Variants in FAM234B observed in about 807,000 individuals in gnomAD.
The protein encoded by FAM234B is protein FAM234B.
In FAM234B, 33 loss-of-function variants were observed where a neutral mutation model predicts 69.3. The ratio of observed to expected loss-of-function variants is 0.48; its 90% CI spans 0.36 to 0.64. The LOEUF (loss-of-function observed/expected upper bound fraction) is 0.64, where lower values mean the gene tolerates loss of function less well. FAM234B is among the 30% of genes least tolerant of loss of function. The pLI, the probability that FAM234B is intolerant of heterozygous loss-of-function variation, is 0.00. For synonymous variants in FAM234B, 306 were observed against 306.9 expected (o/e 1.00, Z 0.03); for missense variants, 697 against 769.7 (o/e 0.91, Z 1.12).
intron 5 of FAM234B, 68 bp downstream of exon 5, chr12:13,063,043 T>A: frequency 6.6e-7 from 1 of 1,514,536 alleles, no homozygotes. Flanking sequence ...TCTCAGCTCC[T>A]AGTGTTACAT....
chr12:13,045,384 C>T (rs752809217), intron 1 of FAM234B, among the ~76,000 whole-genome samples: 13 of 152,130 alleles, frequency 8.5e-5, no homozygotes, highest in Admixed American at 3.9e-4. Flanking sequence ...AAGCTATAAA[C>T]ATTTATTTGC....
chr12:13,080,026 A>C lies in FAM234B; in HGVS notation c.1863+17A>C, dbSNP rs1424485427. On this transcript the variant is annotated intron_variant, in intron 12 of 12. Coordinates refer to ENST00000197268, the MANE Select transcript of FAM234B (RefSeq NM_020853.2). ...CCCTACGAGGTGAGTGGCTGCAGAA[A>C]TATTGTTCCTCTTGAGGGTTTAGGA... 1 of 1,549,312 alleles carries C rather than the reference A, an allele frequency of 6.5e-7. No homozygotes were observed. Among genetic ancestry groups the C allele is most frequent in the South Asian group, 1.2e-5 (1 of 82,822 alleles).
At chr12:13,061,412 CTG>C (rs947690823) in intron 3 of FAM234B, among the ~76,000 whole-genome samples, 161 bp from the exon 4 acceptor site, 11 of 152,314 alleles carry the variant, frequency 7.2e-5, no homozygotes, top group Admixed American at 3.9e-4. Context: ...GACAGGCACT[CTG>C]TGTTCACATC....
At chr12:13,068,518 A>G in intron 8 of FAM234B, 71 bp downstream of exon 8, 2 of 1,594,480 alleles carry the variant, frequency 1.3e-6, no homozygotes, top group Non-Finnish European at 1.7e-6. Flanking sequence ...TGTCCAGGAC[A>G]ATTGCTTGCA....
chr12:13,079,131 T>C (rs1865195301), intron 11 of FAM234B, among the ~76,000 whole-genome samples: 1 of 152,188 alleles, frequency 6.6e-6, no homozygotes, highest in African/African-American at 2.4e-5. Flanking sequence ...GCTACCTGAC[T>C]TCAAACTATA....
chr12:13,066,819 C>T, intron 6 of FAM234B, 32 bp downstream of exon 6: 3 of 1,599,684 alleles, frequency 1.9e-6, no homozygotes, highest in South Asian at 2.3e-5. Flanking sequence ...TGCTCCTGTT[C>T]CCCACTGGCA....
In FAM234B at chr12:13,067,196, G is replaced by C. The variant is rs775713239; in HGVS notation, c.1042G>C (p.Ala348Pro). 2 of 1,614,000 alleles carry C rather than the reference G, an allele frequency of 1.2e-6. No individual in the cohort carries two copies. Among genetic ancestry groups the C allele is most frequent in the East Asian group, 4.5e-5 (2 of 44,880 alleles). ...CGCACTGCGGGACATTTTTGTTCAG[G>C]CCCAAAATCGAGACAGCTCACCACC... ...AVALRDIFVQ[A>P]QNRDSSPPSL... is the part of the protein sequence containing the mutation. Residue 348 changes from alanine (A) to proline (P), a missense_variant, in exon 7 of 13, where the codon GCC becomes CCC. Physicochemically the swap from Ala to Pro is conservative, Grantham distance 27. Coordinates refer to ENST00000197268, the MANE Select transcript of FAM234B (RefSeq NM_020853.2). This position sits in a 1 kb window ranked among gnomAD's most constrained non-coding sequence, Gnocchi z 4.7.
chr12:13,066,024 A>G (rs932822469), intron 5 of FAM234B, among the ~76,000 whole-genome samples: 1 of 152,244 alleles, frequency 6.6e-6, no homozygotes, highest in Non-Finnish European at 1.5e-5. Context: ...GTTTTTATAA[A>G]TAGAGCTTTA....
chr12:13,058,282 A>G (rs577535655), intron 2 of FAM234B, among the ~76,000 whole-genome samples, 169 bp from the exon 3 acceptor site: 1 of 152,208 alleles, frequency 6.6e-6, no homozygotes, highest in South Asian at 2.1e-4. Flanking sequence ...TTTTATGTAC[A>G]GTGTCCAGGG....
At chr12:13,069,712 G>A (rs1255161037) in intron 9 of FAM234B, among the ~76,000 whole-genome samples, 2 of 152,198 alleles carry the variant, frequency 1.3e-5, no homozygotes, top group Non-Finnish European at 2.9e-5. Flanking sequence ...GTGGGCTGAG[G>A]TGCACTCCCA....
intron 5 of FAM234B, 86 bp downstream of exon 5, chr12:13,063,061 G>A: frequency 6.9e-7 from 1 of 1,439,214 alleles, no homozygotes; most frequent in Non-Finnish European, 9.6e-7. Context: ...CATTATAAAT[G>A]CTGCTTGAAA....
chr12:13,055,661 G>A lies in FAM234B; in HGVS notation c.148G>A (p.Gly50Arg). Residue 50 changes from glycine (G) to arginine (R), a missense_variant, in exon 2 of 13, where the codon GGG becomes AGG. Coordinates refer to ENST00000197268, the MANE Select transcript of FAM234B (RefSeq NM_020853.2). ...GCAGAAGAATGGAGGGGTCAAAAAT[G>A]GGAAGAGTCCTTTGGGAGAAGCGCC... ...NLQKNGGVKN[G>R]KSPLGEAPEP... The A allele has an allele frequency of 6.2e-7, 1 of 1,614,226 alleles. No individual in the cohort carries two copies. Among genetic ancestry groups the A allele is most frequent in the Non-Finnish European group, 8.5e-7 (1 of 1,180,034 alleles).
Position 13,063,934 on chromosome 12 carries a change from C to T in FAM234B, c.852+959C>T, listed in dbSNP as rs192533335. Among the ~76,000 whole-genome samples, 462 of 152,246 alleles carry T rather than the reference C, an allele frequency of 3.0e-3. 2 individuals carry two copies. Among genetic ancestry groups the T allele is most frequent in the Non-Finnish European group, 5.5e-3 (372 of 68,002 alleles). On this transcript the variant is annotated intron_variant, in intron 5 of 12. Coordinates refer to ENST00000197268, the MANE Select transcript of FAM234B (RefSeq NM_020853.2). ...TTAATTTTAATAGACCTTGTGTTTGCTGTTGTGATCTTTGTATTGCATATA... is the reference window on the plus strand; with the variant it reads ...TTAATTTTAATAGACCTTGTGTTTGTTGTTGTGATCTTTGTATTGCATATA...
At chr12:13,062,799 A>G (rs1864997232) in intron 4 of FAM234B, 46 bp from the exon 5 acceptor site, 1 of 1,599,896 alleles carries the variant, frequency 6.3e-7, no homozygotes, top group Non-Finnish European at 8.5e-7. Context: ...GCCTTTTCCA[A>G]AGGCAAGAAG....
At chr12:13,071,877 T>TTGAGGGACATTGACCAGATAAAAC (rs1390535369) in intron 10 of FAM234B, among the ~76,000 whole-genome samples, 2 of 151,978 alleles carry the variant, frequency 1.3e-5, no homozygotes, top group African/African-American at 4.8e-5. Context: ...GAGAGGTCAT[T>TTGAGGGACATTGACCAGATAAAAC]TGAGGAACTA....
Position 13,082,520 on chromosome 12 carries a change from T to C in FAM234B, c.*1890T>C, listed in dbSNP as rs1296609010. 1 of 152,194 alleles carries C rather than the reference T, an allele frequency of 6.6e-6. No homozygotes were observed. The highest frequency in any genetic ancestry group is 1.5e-5 in the Non-Finnish European group (1 of 68,042). The allele number at this position is 152,194 out of a possible 1,614,324, so 9.4% of individuals were successfully genotyped here. ...GTCATCTGTGGGTCCAGCTTGACTTTGGAGGAATAAGAAGATACTTCTAGA... is the reference window on the plus strand; with the variant it reads ...GTCATCTGTGGGTCCAGCTTGACTTCGGAGGAATAAGAAGATACTTCTAGA... On this transcript the variant is annotated 3_prime_UTR_variant, in exon 13 of 13. Transcript: ENST00000197268.
intron 10 of FAM234B, among the ~76,000 whole-genome samples, chr12:13,074,280 G>A (rs961922202): frequency 6.6e-6 from 1 of 152,158 alleles, no homozygotes; most frequent in Non-Finnish European, 1.5e-5. Flanking sequence ...AGTCTCAAGT[G>A]TAGTCTTCTA....
At position 13,080,024 on chromosome 12, in the gene FAM234B, A is replaced by C; in HGVS notation, c.1863+15A>C. 4 of 1,554,350 alleles carry C rather than the reference A, an allele frequency of 2.6e-6. No individual in the cohort carries two copies. Among genetic ancestry groups the C allele is most frequent in the Non-Finnish European group, 3.5e-6 (4 of 1,145,542 alleles). On this transcript the variant is annotated intron_variant, in intron 12 of 12. Transcript: ENST00000197268. ...CTCCCTACGAGGTGAGTGGCTGCAG[A>C]AATATTGTTCCTCTTGAGGGTTTAG...
chr12:13,055,925 C>T lies in FAM234B; in HGVS notation c.412C>T (p.Arg138Cys), dbSNP rs766526805. Reference protein sequence around the residue: ...PPRDLHSTWSRHLGSQGGGDL... With the variant: ...PPRDLHSTWSCHLGSQGGGDL... ...CAGAGATCTGCACAGCACCTGGAGC[C>T]GCCACTTGGGCTCCCAGGGAGGTGA... Residue 138 changes from arginine to cysteine, a missense_variant, in exon 2 of 13, where the codon CGC becomes TGC. By Grantham distance (180) the Arg-to-Cys change is radical. Around this residue, in one of 3 missense-constraint regions of FAM234B, gnomAD observed 380 missense variants for 447.1 expected, o/e 0.85. Coordinates refer to ENST00000197268, the MANE Select transcript of FAM234B (RefSeq NM_020853.2). 7.0e-6 allele frequency: 11 copies of T among 1,570,220 alleles called. No individual in the cohort carries two copies. The highest frequency in any genetic ancestry group is 1.4e-5 in the African/African-American group (1 of 73,800).
Sources: allele counts gnomAD v4.1 joint callset (sites outside exome capture counted in the v4.1 genomes callset), GRCh38; gene constraint gnomAD v4.1.1; regional missense constraint gnomAD v4.1.1; non-coding constraint Gnocchi (gnomAD v3.1); transcripts MANE v1.5; gene names NCBI Gene and HGNC (gene_info 2026-07-23, HGNC 2026-07-21).